PDE10A: variants seen among roughly 807,000 people sequenced by gnomAD.
PDE10A encodes phosphodiesterase 10A.
A neutral mutation model predicts 97.7 loss-of-function variants in PDE10A; 39 were observed. That is an observed-to-expected ratio of 0.40 (90% CI 0.31 to 0.52). The LOEUF is 0.52. PDE10A is among the 20% of genes least tolerant of loss of function. PDE10A has a pLI of 0.56. For synonymous variants in PDE10A, 371 were observed against 376.8 expected (o/e 0.98, Z 0.18); for missense variants, 731 against 1,047.8 (o/e 0.70, Z 4.17).
intron 18 of PDE10A, among the ~76,000 whole-genome samples, chr6:165,364,209 G>A (rs1783615232): frequency 6.6e-6 from 1 of 152,198 alleles, no homozygotes; most frequent in Admixed American, 6.5e-5. Flanking sequence ...CAACATGTTA[G>A]TATTTGGAGG....
At chr6:165,570,020 T>C (rs1306814014) in intron 1 of PDE10A, among the ~76,000 whole-genome samples, 6 of 152,162 alleles carry the variant, frequency 3.9e-5, no homozygotes, top group Non-Finnish European at 8.8e-5. Context: ...ATGGACTAAA[T>C]TGTGTTCCTC....
chr6:165,532,679 G>T (rs562769685), intron 2 of PDE10A, among the ~76,000 whole-genome samples: 2 of 152,128 alleles, frequency 1.3e-5, no homozygotes, highest in African/African-American at 4.8e-5. Context: ...AGTCTGGGGT[G>T]AGACCCGACC....
intron 18 of PDE10A, among the ~76,000 whole-genome samples, chr6:165,349,103 C>G (rs554444870): frequency 6.6e-6 from 1 of 152,104 alleles, no homozygotes; most frequent in African/African-American, 2.4e-5. Flanking sequence ...ACTGTGGAAG[C>G]GACTTTGGAA....
intron 1 of PDE10A, among the ~76,000 whole-genome samples, chr6:165,723,052 C>T (rs1179400735): frequency 9.9e-5 from 15 of 152,142 alleles, no homozygotes; most frequent in Admixed American, 9.8e-4. Context: ...ATGCCAGCAT[C>T]CTGAGCCTCA....
intron 3 of PDE10A, among the ~76,000 whole-genome samples, chr6:165,472,852 A>T (rs1779092729): frequency 6.6e-6 from 1 of 152,160 alleles, no homozygotes; most frequent in African/African-American, 2.4e-5. Context: ...GTGAAAAGTT[A>T]TATAATTGTT....
At chr6:165,550,679 C>T (rs1253437290) in intron 1 of PDE10A, among the ~76,000 whole-genome samples, 4 of 152,030 alleles carry the variant, frequency 2.6e-5, no homozygotes, top group African/African-American at 9.7e-5. Context: ...TTTTTCCATC[C>T]ATAAACCCAG....
At position 165,973,345 on chromosome 6, in the gene PDE10A, G is replaced by A. The variant is rs185508762; in HGVS notation, c.-615+14184C>T. 2.0e-3 allele frequency among the ~76,000 whole-genome samples: 304 copies of A among 152,086 alleles called. 1 individual carries two copies. Among genetic ancestry groups the A allele is most frequent in the Non-Finnish European group, 3.6e-3 (243 of 67,994 alleles). ...GGAGAACCACTTGAACCCGGGAGGC[G>A]GAGGTGGCAGTGAGCCAAGACCGCA... On this transcript the variant is annotated intron_variant, in intron 1 of 19. Transcript: ENST00000366882.
intron 10 of PDE10A, among the ~76,000 whole-genome samples, chr6:165,426,074 G>A (rs1007954898): frequency 2.6e-5 from 4 of 152,080 alleles, no homozygotes; most frequent in East Asian, 3.9e-4. Flanking sequence ...CCTCACGTTC[G>A]TGTATTAGAA....
At chr6:165,935,830 A>G (rs1783306451) in intron 1 of PDE10A, among the ~76,000 whole-genome samples, 1 of 152,214 alleles carries the variant, frequency 6.6e-6, no homozygotes, top group Non-Finnish European at 1.5e-5. Flanking sequence ...TGCTCTTGCT[A>G]TCTGATGCCT....
intron 18 of PDE10A, 47 bp downstream of exon 18, chr6:165,379,147 C>T (rs1259792407): frequency 7.9e-7 from 1 of 1,265,020 alleles, no homozygotes; most frequent in East Asian, 2.4e-5. Flanking sequence ...TCAATTTATT[C>T]CAGATAACAC....
intron 2 of PDE10A, among the ~76,000 whole-genome samples, chr6:165,517,117 C>T (rs1781858762): frequency 6.6e-6 from 1 of 152,170 alleles, no homozygotes; most frequent in African/African-American, 2.4e-5. Flanking sequence ...TTGTGTCCAA[C>T]ATTACATAAG....
At chr6:165,377,366 A>T (rs966094967) in intron 18 of PDE10A, among the ~76,000 whole-genome samples, 2 of 151,922 alleles carry the variant, frequency 1.3e-5, no homozygotes, top group African/African-American at 4.8e-5. Context: ...ATAGAATATT[A>T]CTCTTTTTTA....
chr6:165,680,631 C>A (rs1007137906), intron 1 of PDE10A, among the ~76,000 whole-genome samples: 3 of 152,172 alleles, frequency 2.0e-5, no homozygotes, highest in Non-Finnish European at 4.4e-5. Flanking sequence ...CAGCCAGGAG[C>A]GGGGGCTCAG....
chr6:165,810,379 T>C (rs1779248210), intron 1 of PDE10A, among the ~76,000 whole-genome samples: 1 of 152,132 alleles, frequency 6.6e-6, no homozygotes. Context: ...AAAACAGAAC[T>C]AGGCTCCCCT....
intron 1 of PDE10A, among the ~76,000 whole-genome samples, chr6:165,668,739 AAGAC>A (rs1790559637): frequency 6.9e-6 from 1 of 143,920 alleles, no homozygotes; most frequent in African/African-American, 2.5e-5. Flanking sequence ...AAAGAAAGAA[AAGAC>A]AGAAAGAGAA....
intron 1 of PDE10A, among the ~76,000 whole-genome samples, chr6:165,903,723 C>T (rs1450769390): frequency 1.3e-5 from 2 of 151,546 alleles, no homozygotes; most frequent in East Asian, 1.9e-4. Flanking sequence ...GATGAGATCA[C>T]CTGGGGAGAA....
At chr6:165,813,827 T>A (rs1779342152) in intron 1 of PDE10A, among the ~76,000 whole-genome samples, 1 of 151,854 alleles carries the variant, frequency 6.6e-6, no homozygotes, top group Non-Finnish European at 1.5e-5. Flanking sequence ...TAGACACTCA[T>A]TGAGATGGGT....
rs567193761 is a variant in PDE10A at position 165,655,236 on chromosome 6, T to C, written c.865+6711A>G. ...CATCCAATCCCATGATTTTAGATGC[T>C]GTGACTGCAGTTTCTATGCTGCAGT... On this transcript the variant is annotated intron_variant, in intron 1 of 21. Transcript: ENST00000539869. The surrounding 1 kb of genome is among the most constrained non-coding windows in gnomAD (Gnocchi z 4.5). Among the ~76,000 whole-genome samples the C allele has an allele frequency of 2.6e-5, 4 of 152,294 alleles. No individual in the cohort carries two copies. The highest frequency in any genetic ancestry group is 9.6e-5 in the African/African-American group (4 of 41,562).
chr6:165,917,972 T>G (rs6899775), intron 1 of PDE10A, among the ~76,000 whole-genome samples: 2 of 152,050 alleles, frequency 1.3e-5, no homozygotes, highest in African/African-American at 4.8e-5. Flanking sequence ...CACCCACAAA[T>G]GGTTGATAAA....
Sources: allele counts gnomAD v4.1 joint callset (sites outside exome capture counted in the v4.1 genomes callset), GRCh38; gene constraint gnomAD v4.1.1; non-coding constraint Gnocchi (gnomAD v3.1); transcripts MANE v1.5; gene names NCBI Gene and HGNC (gene_info 2026-07-23, HGNC 2026-07-21).